The following B4GALNT3 variants were observed in gnomAD, a reference collection of about 807,000 sequenced individuals.
B4GALNT3 encodes the protein beta-1,4-N-acetylgalactosaminyltransferase 3.
B4GALNT3 carries 86 observed loss-of-function variants against 120.2 expected under a neutral mutation model. The observed-to-expected ratio is 0.72, with a 90% confidence interval of 0.60 to 0.86. The LOEUF (loss-of-function observed/expected upper bound fraction) is 0.86. Ranked by LOEUF, B4GALNT3 falls within the 40% of genes least tolerant of loss-of-function variation. The probability of loss-of-function intolerance (pLI) is 0.00; values close to 1 mark genes in which losing one functional copy is unlikely to be tolerated. For synonymous variants in B4GALNT3, 518 were observed against 510.4 expected (o/e 1.01, Z -0.20); for missense variants, 1,167 against 1,298.9 (o/e 0.90, Z 1.56).
Position 556,577 on chromosome 12 carries a change from G to T in B4GALNT3, c.2091G>T (p.Val697=), listed in dbSNP as rs777922518. 6.2e-7 allele frequency: 1 copy of T among 1,613,840 alleles called. No homozygotes were observed. Among genetic ancestry groups the T allele is most frequent in the South Asian group, 1.1e-5 (1 of 91,084 alleles). The change falls in exon 15 of 20, where the codon GTG becomes GTT. Residue 697 remains valine (V), a synonymous_variant. Transcript: ENST00000266383. ...ACCAGCTACAGCGCATTGTGAACGT[G>T]GAAAAGCGTCAGGACCAGCTACGTG... ...GRYQLQRIVN[V]EKRQDQLRGG... is the part of the protein sequence containing the mutation.
intron 1 of B4GALNT3, among the ~76,000 whole-genome samples, chr12:513,319 C>G (rs1204393469): frequency 1.3e-5 from 2 of 152,264 alleles, no homozygotes; most frequent in Non-Finnish European, 1.5e-5. Context: ...AAAACAATGA[C>G]TATTCCACAA....
chr12:556,924 G>A (rs1947163083), intron 15 of B4GALNT3, 58 bp downstream of exon 15: 3 of 1,523,766 alleles, frequency 2.0e-6, no homozygotes, highest in Non-Finnish European at 2.7e-6. Context: ...ACTGTCAGGA[G>A]CACCCACATC....
At chr12:505,751 A>G (rs1174206002) in intron 1 of B4GALNT3, among the ~76,000 whole-genome samples, 1 of 152,086 alleles carries the variant, frequency 6.6e-6, no homozygotes, top group African/African-American at 2.4e-5. Context: ...CTGCAGAGAG[A>G]TAGGGGTCTG....
chr12:542,524 C>T lies in B4GALNT3; in HGVS notation c.352-1815C>T, dbSNP rs1485619088. 2.0e-5 allele frequency among the ~76,000 whole-genome samples: 3 copies of T among 152,338 alleles called. No homozygotes were observed. In the East Asian group the frequency reaches 5.8e-4, roughly 29 times the overall value. On this transcript the variant is annotated intron_variant, in intron 3 of 19. Coordinates refer to ENST00000266383, the MANE Select transcript of B4GALNT3 (RefSeq NM_173593.4). ...GCTGGTAGGGAGTCACCAGGCCCCACCTCCCACAACCTGGACAGAAGCCCT... is the reference window on the plus strand; with the variant it reads ...GCTGGTAGGGAGTCACCAGGCCCCATCTCCCACAACCTGGACAGAAGCCCT...
At chr12:503,822 A>C (rs1451419087) in intron 1 of B4GALNT3, among the ~76,000 whole-genome samples, 1 of 152,150 alleles carries the variant, frequency 6.6e-6, no homozygotes, top group Admixed American at 6.5e-5. Context: ...TCTTCTTAAA[A>C]GTGTAAAAGT....
chr12:487,953 A>T (rs1275523251), intron 1 of B4GALNT3, among the ~76,000 whole-genome samples: 1 of 152,124 alleles, frequency 6.6e-6, no homozygotes, highest in Non-Finnish European at 1.5e-5. Context: ...CCTGTCTCCA[A>T]AACAAACAAA....
chr12:558,481 G>A lies in B4GALNT3; in HGVS notation c.2608-27G>A, dbSNP rs777681127. 3.7e-6 allele frequency: 6 copies of A among 1,610,294 alleles called. No homozygotes were observed. In the South Asian group the frequency reaches 5.5e-5, roughly 15 times the overall value. ...CTCCTAGCTCTGGTCTGCAGGGTCT[G>A]CTGACCCTGCCCACATCTGTCCCCA... On this transcript the variant is annotated intron_variant, in intron 17 of 19. Transcript: ENST00000266383.
At chr12:514,261 G>T (rs1276569481) in intron 1 of B4GALNT3, among the ~76,000 whole-genome samples, 1 of 147,066 alleles carries the variant, frequency 6.8e-6, no homozygotes, top group East Asian at 2.0e-4. Context: ...GCAGTGGCGC[G>T]ATCTTGGCTC....
intron 1 of B4GALNT3, among the ~76,000 whole-genome samples, chr12:513,729 A>G (rs1946622557): frequency 6.6e-6 from 1 of 152,224 alleles, no homozygotes; most frequent in African/African-American, 2.4e-5. Flanking sequence ...GAGTTGCTCC[A>G]GCACCTCTGA....
chr12:487,089 C>T (rs886156405), intron 1 of B4GALNT3, among the ~76,000 whole-genome samples: 2 of 151,934 alleles, frequency 1.3e-5, no homozygotes, highest in East Asian at 1.9e-4. Context: ...GACACAGCTA[C>T]GAAAAGGATC....
At position 556,565 on chromosome 12, in the gene B4GALNT3, C is replaced by T. The variant is rs758272218; in HGVS notation, c.2079C>T (p.Arg693=). ...GCCATAGGAGGTACCAGCTACAGCG[C>T]ATTGTGAACGTGGAAAAGCGTCAGG... ...QRSRGRYQLQ[R]IVNVEKRQDQ... The change falls in exon 15 of 20, where the codon CGC becomes CGT. Residue 693 remains arginine, a synonymous_variant. Transcript: ENST00000266383. 1 of 1,613,478 alleles carries T rather than the reference C, an allele frequency of 6.2e-7. No individual in the cohort carries two copies. The highest frequency in any genetic ancestry group is 1.1e-5 in the South Asian group (1 of 91,066).
chr12:475,061 C>T (rs900198579), intron 1 of B4GALNT3, among the ~76,000 whole-genome samples: 2 of 151,262 alleles, frequency 1.3e-5, no homozygotes, highest in African/African-American at 4.9e-5. Flanking sequence ...CTGCAATGAG[C>T]TATGATCTCA....
rs1255866796 is a variant in B4GALNT3, at chr12:550,194, A to G, written c.997+282A>G. On this transcript the variant is annotated intron_variant, in intron 10 of 19. Transcript: ENST00000266383. The surrounding 1 kb of genome is among the most constrained non-coding windows in gnomAD (Gnocchi z 4.1). ...GAGTTAGAACCCGGAAGTCCCCCAC[A>G]CATCCCTTCCCAATCTCACACGTCC... 6.6e-6 allele frequency among the ~76,000 whole-genome samples: 1 copy of G among 152,238 alleles called. No homozygotes were observed. The highest frequency in any genetic ancestry group is 2.4e-5 in the African/African-American group (1 of 41,458).
chr12:498,619 G>C (rs1017563112), intron 1 of B4GALNT3, among the ~76,000 whole-genome samples: 3 of 148,914 alleles, frequency 2.0e-5, no homozygotes, highest in Admixed American at 6.9e-5. Flanking sequence ...CATCATAGAA[G>C]GAAGAAAAGT....
chr12:463,541 A>G (rs1160973797), intron 1 of B4GALNT3, among the ~76,000 whole-genome samples: 1 of 152,230 alleles, frequency 6.6e-6, no homozygotes, highest in Non-Finnish European at 1.5e-5. Flanking sequence ...GGTTTCTAGC[A>G]TCTACAGCTT....
chr12:511,744 CCTTCCACCTT>C (rs1946568488), intron 1 of B4GALNT3, among the ~76,000 whole-genome samples: 4 of 117,672 alleles, frequency 3.4e-5, no homozygotes, highest in Admixed American at 8.0e-5. Flanking sequence ...CCACCTTCCA[CCTTCCACCTT>C]CTTCCACCTT....
intron 1 of B4GALNT3, among the ~76,000 whole-genome samples, chr12:526,443 A>G (rs1481744702): frequency 6.6e-6 from 1 of 152,200 alleles, no homozygotes; most frequent in African/African-American, 2.4e-5. Context: ...GCGGGTTCAG[A>G]AAAGTCAGTA....
At chr12:483,236 A>T (rs190009560) in intron 1 of B4GALNT3, among the ~76,000 whole-genome samples, 35 of 152,318 alleles carry the variant, frequency 2.3e-4, no homozygotes, top group African/African-American at 7.7e-4. Context: ...AAACCATCCT[A>T]TATATTCCTT....
chr12:514,224 G>A (rs1946627434), intron 1 of B4GALNT3, among the ~76,000 whole-genome samples: 1 of 143,492 alleles, frequency 7.0e-6, no homozygotes, highest in Admixed American at 7.1e-5. Flanking sequence ...TTGAGACGGA[G>A]TCTCGCTCTG....
Sources: allele counts gnomAD v4.1 joint callset (sites outside exome capture counted in the v4.1 genomes callset), GRCh38; gene constraint gnomAD v4.1.1; non-coding constraint Gnocchi (gnomAD v3.1); transcripts MANE v1.5; gene names NCBI Gene and HGNC (gene_info 2026-07-23, HGNC 2026-07-21).